SLC25A12: variants seen among roughly 807,000 people sequenced by gnomAD.
SLC25A12 encodes the protein electrogenic aspartate/glutamate antiporter SLC25A12, mitochondrial.
Under a neutral mutation model 83.3 loss-of-function variants are expected in SLC25A12, and 32 were observed. That is an observed-to-expected ratio of 0.38 (90% CI 0.29 to 0.52). The LOEUF is 0.52. SLC25A12 is among the 20% of genes least tolerant of loss of function. The probability of loss-of-function intolerance (pLI) is 0.84; values close to 1 mark genes in which losing one functional copy is unlikely to be tolerated. For missense variants in SLC25A12, 611 were observed against 835.6 expected (o/e 0.73, Z 3.31); for synonymous variants, 267 against 291.1 (o/e 0.92, Z 0.84).
At chr2:171,839,937 C>T (rs1166677947) in intron 5 of SLC25A12, among the ~76,000 whole-genome samples, 1 of 152,140 alleles carries the variant, frequency 6.6e-6, no homozygotes, top group Admixed American at 6.6e-5. Context: ...CCAACCTTGG[C>T]AGAAGACTAG....
At chr2:171,804,311 G>A (rs1360739041) in intron 13 of SLC25A12, among the ~76,000 whole-genome samples, 2 of 152,130 alleles carry the variant, frequency 1.3e-5, no homozygotes, top group Non-Finnish European at 2.9e-5. Context: ...AGGCTGGAGT[G>A]CAGTGGGCAC....
intron 4 of SLC25A12, among the ~76,000 whole-genome samples, chr2:171,852,997 A>G (rs1489678456): frequency 6.6e-6 from 1 of 152,210 alleles, no homozygotes; most frequent in Non-Finnish European, 1.5e-5. Flanking sequence ...GGAATCCAGA[A>G]CAGAAACAGG....
chr2:171,799,210 T>G (rs1683660624), intron 13 of SLC25A12, among the ~76,000 whole-genome samples: 1 of 152,196 alleles, frequency 6.6e-6, no homozygotes, highest in African/African-American at 2.4e-5. Flanking sequence ...GTTTATAAAT[T>G]ACTCCATCGA....
intron 9 of SLC25A12, among the ~76,000 whole-genome samples, chr2:171,817,315 G>T (rs1004091600): frequency 6.6e-6 from 1 of 151,958 alleles, no homozygotes; most frequent in Non-Finnish European, 1.5e-5. Context: ...CTTTAAAAAT[G>T]CACTGGGCCA....
chr2:171,892,136 A>G (rs1416987684), intron 2 of SLC25A12, among the ~76,000 whole-genome samples: 2 of 152,242 alleles, frequency 1.3e-5, no homozygotes, highest in Admixed American at 6.5e-5. Flanking sequence ...AAGTGTCTTC[A>G]TAAGAACCCA....
intron 2 of SLC25A12, among the ~76,000 whole-genome samples, chr2:171,872,910 T>TA (rs1452499145): frequency 2.6e-5 from 4 of 151,902 alleles, no homozygotes; most frequent in Non-Finnish European, 5.9e-5. Flanking sequence ...AGAGAAATGG[T>TA]AATAAAGAGA....
chr2:171,834,975 G>T, intron 6 of SLC25A12, 110 bp from the exon 7 acceptor site: 2 of 1,126,768 alleles, frequency 1.8e-6, no homozygotes, highest in Non-Finnish European at 2.6e-6. Flanking sequence ...CTGTTAAAAT[G>T]ATGTTAACAA....
intron 13 of SLC25A12, among the ~76,000 whole-genome samples, chr2:171,801,612 G>A (rs957682840): frequency 6.6e-6 from 1 of 152,080 alleles, no homozygotes; most frequent in African/African-American, 2.4e-5. Flanking sequence ...AAAGCAATAT[G>A]CATTCAGTAG....
intron 6 of SLC25A12, among the ~76,000 whole-genome samples, chr2:171,836,377 C>G (rs1171296433): frequency 1.3e-5 from 2 of 152,080 alleles, no homozygotes; most frequent in Admixed American, 6.6e-5. Context: ...GACAAGAAAA[C>G]GGGTAAGTGA....
chr2:171,844,082 G>T (rs1248840850), intron 5 of SLC25A12, among the ~76,000 whole-genome samples: 1 of 152,184 alleles, frequency 6.6e-6, no homozygotes. Context: ...ACTGCGCCCA[G>T]TCGTGAAAGA....
chr2:171,785,559 T>C (rs769780323), intron 17 of SLC25A12, 84 bp from the exon 18 acceptor site: 11 of 1,200,868 alleles, frequency 9.2e-6, no homozygotes, highest in Non-Finnish European at 1.1e-5. Context: ...GTCTGACCCA[T>C]GTGCCACAAA....
In SLC25A12 at chr2:171,787,554, T is replaced by C. The variant is rs1170569609; in HGVS notation, c.1835+17A>G. 1.9e-6 allele frequency: 3 copies of C among 1,589,174 alleles called. No individual in the cohort carries two copies. The highest frequency in any genetic ancestry group is 2.6e-6 in the Non-Finnish European group (3 of 1,157,312). The stretch of plus-strand genomic sequence containing the variant: ...ACTTAGTGATTTCTTTGTAAAGGAG[T>C]TGAGCAGCTGACTTACAGGCCTCCA... On this transcript the variant is annotated intron_variant, in intron 17 of 17. Transcript: ENST00000422440.
chr2:171,819,188 C>T (rs1370164752), intron 9 of SLC25A12, among the ~76,000 whole-genome samples: 56 of 124,566 alleles, frequency 4.5e-4, no homozygotes, highest in African/African-American at 1.3e-3. Context: ...ATGTATAATA[C>T]GTATTATATA....
chr2:171,893,196 C>G lies in SLC25A12; in HGVS notation c.66+9G>C, dbSNP rs752526777. On this transcript the variant is annotated intron_variant, in intron 2 of 17. Coordinates refer to ENST00000422440, the MANE Select transcript of SLC25A12 (RefSeq NM_003705.5). ...TGCAATGAAAGGCACACTATGCAAGCCAATTTACCTGTAGAAATATGTTTC... is the reference window on the plus strand; with the variant it reads ...TGCAATGAAAGGCACACTATGCAAGGCAATTTACCTGTAGAAATATGTTTC... 6.2e-7 allele frequency: 1 copy of G among 1,613,368 alleles called. No homozygotes were observed. Among genetic ancestry groups the G allele is most frequent in the Non-Finnish European group, 8.5e-7 (1 of 1,179,378 alleles).
At chr2:171,880,321 C>T (rs1170199837) in intron 2 of SLC25A12, among the ~76,000 whole-genome samples, 1 of 152,132 alleles carries the variant, frequency 6.6e-6, no homozygotes, top group Non-Finnish European at 1.5e-5. Context: ...CTCCCTCTGT[C>T]ACCCAGGCTG....
At chr2:171,851,459 G>A (rs1360732735) in intron 4 of SLC25A12, among the ~76,000 whole-genome samples, 1 of 150,422 alleles carries the variant, frequency 6.6e-6, no homozygotes, top group East Asian at 1.9e-4. Context: ...AAAGTGCTGG[G>A]ATTACAGGCG....
chr2:171,870,519 G>A (rs1342052609), intron 2 of SLC25A12, among the ~76,000 whole-genome samples: 1 of 152,134 alleles, frequency 6.6e-6, no homozygotes, highest in East Asian at 1.9e-4. Flanking sequence ...TACTCAGGAG[G>A]CTGAGCTGGG....
At chr2:171,845,779 T>C (rs1684784655) in intron 4 of SLC25A12, 1 of 455,116 alleles carries the variant, frequency 2.2e-6, no homozygotes, top group Non-Finnish European at 4.4e-6. Flanking sequence ...TCAGCAAAGT[T>C]GGAAGAAGGC....
intron 15 of SLC25A12, chr2:171,788,162 A>T (rs911181612): frequency 2.6e-6 from 1 of 383,748 alleles, no homozygotes; most frequent in Non-Finnish European, 4.8e-6. Flanking sequence ...TTCCTGAATT[A>T]AAAAAAAAAT....
Sources: allele counts gnomAD v4.1 joint callset (sites outside exome capture counted in the v4.1 genomes callset), GRCh38; gene constraint gnomAD v4.1.1; transcripts MANE v1.5; gene names NCBI Gene and HGNC (gene_info 2026-07-23, HGNC 2026-07-21).